The following CACNB2 variants were observed in gnomAD, a reference collection of about 807,000 sequenced individuals.
CACNB2 encodes the protein voltage-dependent L-type calcium channel subunit beta-2.
A neutral mutation model predicts 73.3 loss-of-function variants in CACNB2; 42 were observed. The ratio of observed to expected loss-of-function variants is 0.57; its 90% CI spans 0.45 to 0.74. The LOEUF is 0.74. Among genes scored for constraint, CACNB2 ranks in the 30% least tolerant of loss-of-function variants. The probability of loss-of-function intolerance (pLI) is 0.00; values close to 1 mark genes in which losing one functional copy is unlikely to be tolerated. For missense variants in CACNB2, 940 were observed against 853.0 expected (o/e 1.10, Z -1.27); for synonymous variants, 348 against 310.3 (o/e 1.12, Z -1.28).
At chr10:18,150,853 GTCT>G in intron 1 of CACNB2, 27 bp from the exon 2 acceptor site, 2 of 655,030 alleles carry the variant, frequency 3.1e-6, no homozygotes, top group East Asian at 6.3e-5. Context: ...AATCTTATTT[GTCT>G]TTTTTTTTTT....
At chr10:18,454,233 A>T (rs115156545) in intron 3 of CACNB2, among the ~76,000 whole-genome samples, 1 of 152,230 alleles carries the variant, frequency 6.6e-6, no homozygotes, top group Admixed American at 6.5e-5. Context: ...AATTAGAGAA[A>T]GGGTCCAACA....
chr10:18,211,593 C>G (rs899010299), intron 2 of CACNB2, among the ~76,000 whole-genome samples: 2 of 152,048 alleles, frequency 1.3e-5, no homozygotes, highest in East Asian at 3.9e-4. Flanking sequence ...TTATTATACA[C>G]GTGTATCTCT....
intron 3 of CACNB2, among the ~76,000 whole-genome samples, chr10:18,456,127 C>T (rs757853330): frequency 1.3e-5 from 2 of 152,128 alleles, no homozygotes; most frequent in African/African-American, 2.4e-5. Context: ...ACTTTCTTGA[C>T]AGATGAATGT....
Position 18,539,289 on chromosome 10 carries a change from TGAA to T in CACNB2, c.1555_1557del (p.Glu519del), listed in dbSNP as rs922285940. ...CTCCTATCCGTTCTGCTTCCCAAGC[TGAA>T]GAAGAACCTAGTGTGGAACCAGTCA... is the stretch of plus-strand genomic sequence containing the variant. On this transcript the variant is annotated inframe_deletion, in exon 14 of 14. Coordinates refer to ENST00000324631, the MANE Select transcript of CACNB2 (RefSeq NM_201596.3). 6 of 1,613,722 alleles carry T rather than the reference TGAA, an allele frequency of 3.7e-6. No homozygotes were observed. Among genetic ancestry groups the T allele is most frequent in the South Asian group, 3.3e-5 (3 of 91,056 alleles).
intron 3 of CACNB2, among the ~76,000 whole-genome samples, chr10:18,406,323 T>G (rs2044286335): frequency 6.6e-6 from 1 of 152,136 alleles, no homozygotes; most frequent in East Asian, 1.9e-4. Flanking sequence ...GGCTTAAAAG[T>G]AGACCTCACA....
chr10:18,372,514 C>T (rs1372847659), intron 2 of CACNB2, among the ~76,000 whole-genome samples: 3 of 152,160 alleles, frequency 2.0e-5, no homozygotes, highest in Non-Finnish European at 4.4e-5. Flanking sequence ...TCAAGTGATT[C>T]TCCTGCTTCA....
chr10:18,213,606 A>T (rs2035403045), intron 2 of CACNB2, among the ~76,000 whole-genome samples: 1 of 152,180 alleles, frequency 6.6e-6, no homozygotes, highest in African/African-American at 2.4e-5. Context: ...ACTTTAGTAA[A>T]ACTCTCTACT....
intron 3 of CACNB2, among the ~76,000 whole-genome samples, chr10:18,465,981 C>T (rs1301775768): frequency 6.6e-6 from 1 of 152,010 alleles, no homozygotes; most frequent in African/African-American, 2.4e-5. Context: ...GCGCCCGGCC[C>T]CAACTTCTTT....
At chr10:18,464,466 C>G (rs900483010) in intron 3 of CACNB2, among the ~76,000 whole-genome samples, 2 of 134,206 alleles carry the variant, frequency 1.5e-5, no homozygotes, top group African/African-American at 5.3e-5. Flanking sequence ...CTCTTTACTT[C>G]TCACTCTTAG....
intron 3 of CACNB2, among the ~76,000 whole-genome samples, chr10:18,442,810 C>A (rs1300685678): frequency 6.9e-6 from 1 of 144,500 alleles, no homozygotes; most frequent in Non-Finnish European, 1.5e-5. Context: ...GGTGACAGAG[C>A]GAGACTCCAC....
rs1402008908 is a variant in CACNB2 at position 18,540,665 on chromosome 10, G to A, written c.*941G>A. The A allele has an allele frequency of 6.6e-6, 1 of 152,556 alleles. No individual in the cohort carries two copies. Among genetic ancestry groups the A allele is most frequent in the Non-Finnish European group, 1.5e-5 (1 of 68,036 alleles). The allele number at this position is 152,556 out of a possible 1,614,324, so 9.5% of individuals were successfully genotyped here. ...TTGTGACACATTCTTAGTAGCTAGT[G>A]TCTGTTCTAGTCACTGCACTGGAGT... On this transcript the variant is annotated 3_prime_UTR_variant, in exon 14 of 14. Coordinates refer to ENST00000324631, the MANE Select transcript of CACNB2 (RefSeq NM_201596.3).
At chr10:18,170,705 A>G (rs1444373501) in intron 2 of CACNB2, among the ~76,000 whole-genome samples, 1 of 152,234 alleles carries the variant, frequency 6.6e-6, no homozygotes, top group Non-Finnish European at 1.5e-5. Context: ...TATAGTCTTA[A>G]TGACATTTGA....
intron 2 of CACNB2, among the ~76,000 whole-genome samples, chr10:18,187,962 T>A (rs1489683272): frequency 6.6e-6 from 1 of 152,062 alleles, no homozygotes; most frequent in East Asian, 1.9e-4. Flanking sequence ...AGGCTGAGAG[T>A]GATGGCGGCA....
intron 2 of CACNB2, among the ~76,000 whole-genome samples, chr10:18,301,457 T>C (rs1350916597): frequency 6.6e-6 from 1 of 151,840 alleles, no homozygotes; most frequent in East Asian, 2.0e-4. Context: ...TAGCGGGACA[T>C]GGTGGCACAT....
intron 2 of CACNB2, among the ~76,000 whole-genome samples, chr10:18,223,776 G>T (rs1159542294): frequency 6.6e-6 from 1 of 151,990 alleles, no homozygotes; most frequent in Non-Finnish European, 1.5e-5. Context: ...ATATTAAGGA[G>T]AATTTTTGTC....
Position 18,192,955 on chromosome 10 carries a change from T to C in CACNB2, c.213+41980T>C, listed in dbSNP as rs562010955. ...TGAATTGAGCTGCTATGAACATTTA[T>C]GTATCTGTACTTGTTTGAGTCCCTG... On this transcript the variant is annotated intron_variant, in intron 2 of 13. Transcript: ENST00000324631. Among the ~76,000 whole-genome samples, 12 of 152,244 alleles carry C rather than the reference T, an allele frequency of 7.9e-5. No individual in the cohort carries two copies. The East Asian group carries it at 2.3e-3, about 29-fold the overall frequency.
intron 3 of CACNB2, among the ~76,000 whole-genome samples, chr10:18,467,704 A>G (rs1306825610): frequency 2.0e-5 from 3 of 152,112 alleles, no homozygotes; most frequent in Non-Finnish European, 4.4e-5. Flanking sequence ...TGTCCCCTCA[A>G]CCCAACTCAA....
chr10:18,538,223 C>T lies in CACNB2; in HGVS notation c.1346C>T (p.Ala449Val). The T allele has an allele frequency of 6.2e-7, 1 of 1,614,024 alleles. No homozygotes were observed. Among genetic ancestry groups the T allele is most frequent in the South Asian group, 1.1e-5 (1 of 91,074 alleles). The change falls in exon 13 of 14, where the codon GCC becomes GTC. Residue 449 changes from alanine to valine, a missense_variant. Ala to Val is a moderately conservative substitution (Grantham distance 64). Coordinates refer to ENST00000324631, the MANE Select transcript of CACNB2 (RefSeq NM_201596.3). ...TTGGATGAGAACCAGCTTGAGGATG[C>T]CTGTGAGCACCTTGCCGACTATCTG... ...VILDENQLED[A>V]CEHLADYLEA...
chr10:18,495,806 A>C (rs557364069), intron 3 of CACNB2, among the ~76,000 whole-genome samples: 64 of 152,128 alleles, frequency 4.2e-4, no homozygotes, highest in African/African-American at 1.5e-3. Flanking sequence ...CTGGAAGTAA[A>C]CTTTATATAC....
Sources: allele counts gnomAD v4.1 joint callset (sites outside exome capture counted in the v4.1 genomes callset), GRCh38; gene constraint gnomAD v4.1.1; transcripts MANE v1.5; gene names NCBI Gene and HGNC (gene_info 2026-07-23, HGNC 2026-07-21).